RSU1: variants seen among roughly 807,000 people sequenced by gnomAD.
RSU1 encodes the protein Ras suppressor protein 1.
A neutral mutation model predicts 31.1 loss-of-function variants in RSU1; 26 were observed. The observed-to-expected ratio is 0.84, with a 90% confidence interval of 0.61 to 1.16. The LOEUF is 1.16. Among genes scored for constraint, RSU1 ranks in the 50% most tolerant of loss-of-function variants. RSU1 has a pLI of 0.00. For synonymous variants in RSU1, 164 were observed against 136.3 expected (o/e 1.20, Z -1.41); for missense variants, 320 against 339.1 (o/e 0.94, Z 0.44).
chr10:16,694,819 C>T (rs1000285924), intron 8 of RSU1, among the ~76,000 whole-genome samples: 1 of 152,122 alleles, frequency 6.6e-6, no homozygotes, highest in African/African-American at 2.4e-5. Context: ...TCAAGCAATC[C>T]TCTAGTCTCG....
chr10:16,755,419 AT>A (rs985345114), intron 4 of RSU1, among the ~76,000 whole-genome samples: 4 of 147,480 alleles, frequency 2.7e-5, no homozygotes, highest in African/African-American at 1.0e-4. Flanking sequence ...CCCCATGCCC[AT>A]CCTTTTTTTT....
intron 7 of RSU1, among the ~76,000 whole-genome samples, chr10:16,720,225 A>G (rs77921202): frequency 0.037 from 5,658 of 152,314 alleles, 365 homozygotes; most frequent in African/African-American, 0.13. Flanking sequence ...GGGTCAAGGC[A>G]ACTGGCTGAT....
chr10:16,685,521 C>T (rs1382804991), intron 8 of RSU1, among the ~76,000 whole-genome samples: 1 of 152,176 alleles, frequency 6.6e-6, no homozygotes, highest in Non-Finnish European at 1.5e-5. Context: ...ATTCATTCCT[C>T]TCCTTTCTAG....
intron 8 of RSU1, among the ~76,000 whole-genome samples, chr10:16,642,280 T>C (rs1005461790): frequency 3.3e-5 from 5 of 152,248 alleles, no homozygotes; most frequent in South Asian, 2.1e-4. Context: ...AATAAATGTA[T>C]GCAAAACCAA....
intron 8 of RSU1, among the ~76,000 whole-genome samples, chr10:16,606,121 T>C (rs1215563699): frequency 6.6e-6 from 1 of 152,172 alleles, no homozygotes; most frequent in Non-Finnish European, 1.5e-5. Flanking sequence ...TGAGGCCTTC[T>C]GGGAGCCAGG....
chr10:16,648,776 T>TTAAATAAATAAA (rs10533045), intron 8 of RSU1, among the ~76,000 whole-genome samples: 19 of 148,614 alleles, frequency 1.3e-4, no homozygotes, highest in African/African-American at 4.2e-4. Context: ...CCAAGATACT[T>TTAAATAAATAAA]TAAATAAATA....
rs71493266 is a variant in RSU1, at chr10:16,745,897, T to C, written c.598+6642A>G. Among the ~76,000 whole-genome samples the C allele has an allele frequency of 2.4e-3, 360 of 152,304 alleles. 2 individuals carry two copies. Among genetic ancestry groups the C allele is most frequent in the Non-Finnish European group, 4.2e-3 (287 of 68,022 alleles). On this transcript the variant is annotated intron_variant, in intron 7 of 8. Coordinates refer to ENST00000345264, the MANE Select transcript of RSU1 (RefSeq NM_012425.4). ...AATAAATGGGAACCAGTTGACAGAA[T>C]GACAGTAACAGAAGAGAAGATAAAC...
At chr10:16,758,135 A>T (rs1020711363) in intron 4 of RSU1, among the ~76,000 whole-genome samples, 5 of 151,824 alleles carry the variant, frequency 3.3e-5, no homozygotes, top group African/African-American at 1.2e-4. Flanking sequence ...AGCAGTAAGT[A>T]ACAGTGGTAG....
rs1833503230 is a variant in RSU1 at position 16,591,455 on chromosome 10, C to A, written c.*1939G>T. ...TAAGGTTTTGCCACCTATCGTCAAACTGCTACGGCCTTTCTGGAGCGAAAT... is the reference window on the plus strand; with the variant it reads ...TAAGGTTTTGCCACCTATCGTCAAAATGCTACGGCCTTTCTGGAGCGAAAT... On this transcript the variant is annotated 3_prime_UTR_variant, in exon 9 of 9. Transcript: ENST00000345264. 1 of 152,206 alleles carries A rather than the reference C, an allele frequency of 6.6e-6. No individual in the cohort carries two copies. The highest frequency in any genetic ancestry group is 1.9e-4 in the East Asian group (1 of 5,196). 9.4% of individuals were successfully genotyped at this position (152,206 alleles called of 1,614,324 possible).
intron 8 of RSU1, among the ~76,000 whole-genome samples, chr10:16,633,998 G>A (rs1377891132): frequency 6.6e-5 from 10 of 152,122 alleles, no homozygotes; most frequent in Non-Finnish European, 1.2e-4. Context: ...GGCAGTGCAC[G>A]ATCTCACACT....
intron 8 of RSU1, among the ~76,000 whole-genome samples, chr10:16,687,539 C>A (rs1835461541): frequency 6.6e-6 from 1 of 151,980 alleles, no homozygotes; most frequent in Non-Finnish European, 1.5e-5. Flanking sequence ...CCTTTAAATG[C>A]AAAATACACT....
intron 8 of RSU1, among the ~76,000 whole-genome samples, chr10:16,615,544 T>C (rs1375584224): frequency 2.0e-5 from 3 of 152,048 alleles, no homozygotes; most frequent in African/African-American, 7.3e-5. Context: ...CTAATAGACA[T>C]CTACAGAACT....
At chr10:16,647,176 G>C (rs569575704) in intron 8 of RSU1, among the ~76,000 whole-genome samples, 1 of 152,156 alleles carries the variant, frequency 6.6e-6, no homozygotes, top group Non-Finnish European at 1.5e-5. Context: ...GTTTCACCAT[G>C]TTGGCCAGGA....
chr10:16,750,217 A>G (rs1232356615), intron 7 of RSU1, among the ~76,000 whole-genome samples: 1 of 152,234 alleles, frequency 6.6e-6, no homozygotes, highest in East Asian at 1.9e-4. Context: ...CCATTCAAAA[A>G]TAAATAGTCC....
chr10:16,786,186 C>T (rs1837788633), intron 2 of RSU1, among the ~76,000 whole-genome samples: 1 of 152,158 alleles, frequency 6.6e-6, no homozygotes, highest in Admixed American at 6.5e-5. Context: ...ATCGTCCACT[C>T]CAAAAGGTCA....
intron 2 of RSU1, among the ~76,000 whole-genome samples, chr10:16,798,815 A>C (rs1193054512): frequency 1.3e-5 from 2 of 152,202 alleles, no homozygotes; most frequent in African/African-American, 4.8e-5. Context: ...GTATCACCAG[A>C]CTTTCAAACA....
At chr10:16,650,886 A>G (rs940780882) in intron 8 of RSU1, among the ~76,000 whole-genome samples, 6 of 152,072 alleles carry the variant, frequency 3.9e-5, no homozygotes, top group East Asian at 1.9e-4. Flanking sequence ...TGGCTGAAAA[A>G]CTTTCAATGT....
intron 8 of RSU1, among the ~76,000 whole-genome samples, chr10:16,681,070 G>A (rs1588711687): frequency 6.6e-6 from 1 of 152,124 alleles, no homozygotes; most frequent in South Asian, 2.1e-4. Context: ...CATTCTGCTG[G>A]AGAAAAACAA....
chr10:16,813,830 T>A (rs1838464042), intron 2 of RSU1, among the ~76,000 whole-genome samples: 1 of 152,172 alleles, frequency 6.6e-6, no homozygotes, highest in African/African-American at 2.4e-5. Flanking sequence ...GTTTTCCCCA[T>A]CAGAAAGTTC....
Sources: allele counts gnomAD v4.1 joint callset (sites outside exome capture counted in the v4.1 genomes callset), GRCh38; gene constraint gnomAD v4.1.1; transcripts MANE v1.5; gene names NCBI Gene and HGNC (gene_info 2026-07-23, HGNC 2026-07-21).